Variants in FBN1 observed in about 807,000 individuals in gnomAD.
FBN1 encodes fibrillin 1, also known as fibrillin-1.
In FBN1, 29 loss-of-function variants were observed where a neutral mutation model predicts 365.1. That is an observed-to-expected ratio of 0.08 (90% CI 0.06 to 0.11). The LOEUF (loss-of-function observed/expected upper bound fraction) is 0.11, where lower values mean the gene tolerates loss of function less well. FBN1 is among the 10% of genes least tolerant of loss of function. FBN1 has a pLI of 1.00. For missense variants in FBN1, 2,476 were observed against 3,703.2 expected (o/e 0.67, Z 8.60); for synonymous variants, 1,210 against 1,270.5 (o/e 0.95, Z 1.01).
At chr15:48,412,765 G>A (rs1311899922) in intron 64 of FBN1, 22 bp from the exon 65 acceptor site, 2 of 1,613,664 alleles carry the variant, frequency 1.2e-6, no homozygotes, top group African/African-American at 1.3e-5. Flanking sequence ...GGGGAGCATA[G>A]ATGTTTTTCA....
chr15:48,446,630 A>G (rs1292107598), intron 47 of FBN1, 76 bp downstream of exon 47: 3 of 873,860 alleles, frequency 3.4e-6, no homozygotes, highest in Non-Finnish European at 5.9e-6. Flanking sequence ...CAGCTGGAAC[A>G]CTAGAGATGA....
At chr15:48,447,880 T>C (rs2141251337) in intron 46 of FBN1, among the ~76,000 whole-genome samples, 1 of 152,298 alleles carries the variant, frequency 6.6e-6, no homozygotes, top group South Asian at 2.1e-4. Context: ...AATTTTTGCC[T>C]TGATTCATTT....
chr15:48,456,529 G>T, intron 44 of FBN1, 108 bp downstream of exon 44: 2 of 1,117,830 alleles, frequency 1.8e-6, no homozygotes, highest in Non-Finnish European at 2.7e-6. Flanking sequence ...TATTTCTAGA[G>T]CTTAATGCAT....
rs376781080 is a variant in FBN1 at position 48,524,243 on chromosome 15, G to A, written c.988+1887C>T. ...AGAGCTTAGAACACAAAGGGAGCTCGGGGCTGGGAGGTCTGAGAGTCTCAG... is the reference window on the plus strand; with the variant it reads ...AGAGCTTAGAACACAAAGGGAGCTCAGGGCTGGGAGGTCTGAGAGTCTCAG... On this transcript the variant is annotated intron_variant, in intron 9 of 65. Coordinates refer to ENST00000316623, the MANE Select transcript of FBN1 (RefSeq NM_000138.5). Among the ~76,000 whole-genome samples, 13 of 152,304 alleles carry A rather than the reference G, an allele frequency of 8.5e-5. No individual in the cohort carries two copies. The East Asian group carries it at 9.6e-4, about 11-fold the overall frequency.
In FBN1 at chr15:48,520,627, G is replaced by C. The variant is rs751432532; in HGVS notation, c.1147+32C>G. ...ACTGGGCTTGTGAGGGCTGGGATGG[G>C]ATATTCTGCAGATAACTGGAAGGGC... On this transcript the variant is annotated intron_variant, in intron 10 of 65. Coordinates refer to ENST00000316623, the MANE Select transcript of FBN1 (RefSeq NM_000138.5). 1.9e-6 allele frequency: 3 copies of C among 1,613,022 alleles called. No individual in the cohort carries two copies. The East Asian group carries it at 6.7e-5, about 36-fold the overall frequency.
At chr15:48,573,694 A>G (rs1393752247) in intron 6 of FBN1, among the ~76,000 whole-genome samples, 2 of 152,204 alleles carry the variant, frequency 1.3e-5, no homozygotes, top group Non-Finnish European at 2.9e-5. Context: ...GAAGTCTGTC[A>G]TGTTCCCTTT....
At chr15:48,503,252 G>C (rs1481650597) in intron 17 of FBN1, among the ~76,000 whole-genome samples, 1 of 145,080 alleles carries the variant, frequency 6.9e-6, no homozygotes, top group African/African-American at 2.6e-5. Context: ...AGCTGAGATC[G>C]CGCCACTGCA....
intron 2 of FBN1, among the ~76,000 whole-genome samples, chr15:48,637,807 A>C (rs1295386377): frequency 6.6e-6 from 1 of 152,174 alleles, no homozygotes; most frequent in African/African-American, 2.4e-5. Flanking sequence ...GTAGACAGTC[A>C]CTTTTTATCA....
chr15:48,500,404 C>T (rs532668505), intron 17 of FBN1, among the ~76,000 whole-genome samples: 3 of 151,794 alleles, frequency 2.0e-5, no homozygotes, highest in Non-Finnish European at 2.9e-5. Flanking sequence ...GTTTTAATAC[C>T]GATGACAACG....
chr15:48,429,490 G>A (rs1159975605), intron 56 of FBN1, among the ~76,000 whole-genome samples: 1 of 152,198 alleles, frequency 6.6e-6, no homozygotes, highest in Non-Finnish European at 1.5e-5. Flanking sequence ...CTTCCTTTGA[G>A]AATAGTTCAG....
chr15:48,512,735 C>T (rs1037308655), intron 13 of FBN1, among the ~76,000 whole-genome samples: 11 of 151,724 alleles, frequency 7.3e-5, no homozygotes, highest in Admixed American at 2.0e-4. Context: ...TTGATGGGCC[C>T]TTTTATTTAA....
chr15:48,571,203 G>C (rs2044303393), intron 6 of FBN1, among the ~76,000 whole-genome samples: 1 of 152,132 alleles, frequency 6.6e-6, no homozygotes, highest in African/African-American at 2.4e-5. Context: ...CAAAGAGTCA[G>C]GTACAAAATG....
chr15:48,591,201 T>A (rs2044473844), intron 6 of FBN1, among the ~76,000 whole-genome samples: 1 of 152,128 alleles, frequency 6.6e-6, no homozygotes, highest in African/African-American at 2.4e-5. Context: ...CTGCTTTTGA[T>A]CCCAAACAGC....
chr15:48,463,312 T>C, intron 41 of FBN1, 72 bp from the exon 42 acceptor site: 2 of 1,390,308 alleles, frequency 1.4e-6, no homozygotes, highest in Non-Finnish European at 2.0e-6. Flanking sequence ...AATTTCTAAG[T>C]GGATACTCAA....
intron 57 of FBN1, chr15:48,428,068 A>T: frequency 1.6e-6 from 1 of 642,570 alleles, no homozygotes; most frequent in Non-Finnish European, 2.8e-6. Context: ...GGGGCAGAGA[A>T]ACATACGGAA....
At chr15:48,478,522 G>C (rs945135221) in intron 32 of FBN1, among the ~76,000 whole-genome samples, 33 of 152,074 alleles carry the variant, frequency 2.2e-4, no homozygotes, top group African/African-American at 8.0e-4. Context: ...GGGAGGTAGG[G>C]TCTTAAAATT....
At chr15:48,578,210 G>C (rs1407287441) in intron 6 of FBN1, among the ~76,000 whole-genome samples, 1 of 152,162 alleles carries the variant, frequency 6.6e-6, no homozygotes, top group Non-Finnish European at 1.5e-5. Context: ...TTCATTAAAA[G>C]GGAGAAAGTG....
chr15:48,503,052 C>A (rs754753685), intron 17 of FBN1, among the ~76,000 whole-genome samples: 2 of 152,036 alleles, frequency 1.3e-5, no homozygotes, highest in Admixed American at 1.3e-4. Context: ...GTAATCCCAG[C>A]ACTTTGGGAG....
rs146402097 is a variant in FBN1 at position 48,565,843 on chromosome 15, G to C, written c.539-28035C>G. Among the ~76,000 whole-genome samples, 22 of 152,132 alleles carry C rather than the reference G, an allele frequency of 1.4e-4. 1 individual carries two copies. Among genetic ancestry groups the C allele is most frequent in the African/African-American group, 4.8e-4 (20 of 41,528 alleles). Reference sequence around the variant, plus strand: ...TCTAAACTATTTTAATAAATTCCTGGGGCAAGAGTCTGTTCTTAAATTGAA... The same window carrying C: ...TCTAAACTATTTTAATAAATTCCTGCGGCAAGAGTCTGTTCTTAAATTGAA... On this transcript the variant is annotated intron_variant, in intron 6 of 65. Coordinates refer to ENST00000316623, the MANE Select transcript of FBN1 (RefSeq NM_000138.5).
Sources: gnomAD v4.1 joint callset for allele counts (sites outside exome capture counted in the v4.1 genomes callset) on GRCh38, gnomAD v4.1.1 for gene constraint, MANE v1.5 for transcripts, NCBI Gene and HGNC (gene_info 2026-07-23, HGNC 2026-07-21) for gene names.